JAG2: variants seen among roughly 807,000 people sequenced by gnomAD.
The protein encoded by JAG2 is protein jagged-2.
Under a neutral mutation model 141.7 loss-of-function variants are expected in JAG2, and 46 were observed. The observed-to-expected ratio is 0.32, with a 90% CI of 0.26 to 0.42. The LOEUF (loss-of-function observed/expected upper bound fraction) is 0.42. Among genes scored for constraint, JAG2 ranks in the 10% least tolerant of loss-of-function variants. JAG2 has a pLI of 1.00. For synonymous variants in JAG2, 862 were observed against 763.5 expected (o/e 1.13, Z -2.13); for missense variants, 1,500 against 1,817.5 (o/e 0.83, Z 3.18).
chr14:105,150,240 C>T (rs1888381529), intron 12 of JAG2, among the ~76,000 whole-genome samples: 1 of 151,932 alleles, frequency 6.6e-6, no homozygotes, highest in Non-Finnish European at 1.5e-5. Context: ...CAGGTGTATA[C>T]CTCTCCACCA....
At chr14:105,147,630 G>A in intron 18 of JAG2, 103 bp from the exon 19 acceptor site, 1 of 1,287,284 alleles carries the variant, frequency 7.8e-7, no homozygotes, top group Admixed American at 1.8e-5. Flanking sequence ...GGCTGGGGAG[G>A]GTCATCAAGG....
intron 2 of JAG2, among the ~76,000 whole-genome samples, chr14:105,161,087 G>C (rs1471540073): frequency 6.6e-6 from 1 of 151,916 alleles, no homozygotes; most frequent in Non-Finnish European, 1.5e-5. Context: ...GCGGGTCTGA[G>C]TGAGGTCTGT....
intron 2 of JAG2, among the ~76,000 whole-genome samples, chr14:105,162,650 C>G (rs1435315422): frequency 6.8e-6 from 1 of 146,032 alleles, no homozygotes. Flanking sequence ...CCCCAAGGTC[C>G]AGGGCACCTT....
At chr14:105,147,745 C>A (rs1229189861) in intron 18 of JAG2, 27 bp downstream of exon 18, 2 of 1,475,380 alleles carry the variant, frequency 1.4e-6, no homozygotes, top group Admixed American at 2.0e-5. Context: ...GGAAAGCGGC[C>A]CCCGCCCACA....
chr14:105,158,466 TCTGCCCCCGGGCCAC>T (rs1332029952), intron 2 of JAG2, among the ~76,000 whole-genome samples: 1 of 152,060 alleles, frequency 6.6e-6, no homozygotes, highest in Non-Finnish European at 1.5e-5. Flanking sequence ...CTATGCCCCC[TCTGCCCCCGGGCCAC>T]CTGGCCCTTG....
chr14:105,158,154 G>A (rs1027653323), intron 2 of JAG2, among the ~76,000 whole-genome samples: 12 of 152,160 alleles, frequency 7.9e-5, no homozygotes, highest in African/African-American at 2.7e-4. Flanking sequence ...GCCGGGACCC[G>A]AGCGTTTCCT....
intron 23 of JAG2, among the ~76,000 whole-genome samples, chr14:105,145,323 G>A (rs1042136537): frequency 9.8e-5 from 15 of 152,318 alleles, no homozygotes; most frequent in African/African-American, 2.9e-4. Flanking sequence ...GAGGCAGGGC[G>A]GGGTACAGTG....
intron 2 of JAG2, among the ~76,000 whole-genome samples, chr14:105,159,432 G>A (rs1057429403): frequency 7.3e-5 from 11 of 151,642 alleles, no homozygotes; most frequent in African/African-American, 1.9e-4. Flanking sequence ...CCATGGCCCC[G>A]CCAGGCCACG....
At position 105,168,069 on chromosome 14, in the gene JAG2, G is replaced by T; in HGVS notation, c.105C>A (p.Ser35Arg). 1 of 1,588,752 alleles carries T rather than the reference G, an allele frequency of 6.3e-7. No homozygotes were observed. The highest frequency in any genetic ancestry group is 8.5e-7 in the Non-Finnish European group (1 of 1,175,124). Residue 35 changes from serine to arginine, a missense_variant, in exon 2 of 26, where the codon AGC becomes AGA. Around this residue, in one of 3 missense-constraint regions of JAG2, gnomAD observed 200 missense variants for 174.3 expected, o/e 1.15. Transcript: ENST00000331782. Reference protein sequence around the residue: ...RPMGYFELQLSALRNVNGELL... With the variant: ...RPMGYFELQLRALRNVNGELL... ...GCTCCCCGTTCACGTTCCGCAGCGC[G>T]CTCAGCTGCAGCTCGAAATAGCCCA...
rs138503062 is a variant in JAG2 at position 105,149,065 on chromosome 14, G to A, written c.1778C>T (p.Ala593Val). The change falls in exon 14 of 26, where the codon GCG (alanine) becomes GTG (valine). Residue 593 changes from alanine (A) to valine (V), a missense_variant. Ala to Val is a moderately conservative substitution (Grantham distance 64). Around this residue, in one of 3 missense-constraint regions of JAG2, gnomAD observed 875 missense variants for 1,202.2 expected, o/e 0.73. Transcript: ENST00000331782. ...TGCTGTGCCAGGCATCCCAGGCCCC[G>A]CGTCTGACCCGCAGCCATCGATCAC... The part of the protein sequence containing the change: ...CRVIDGCGSD[A>V]GPGMPGTAAS... The A allele has an allele frequency of 3.1e-5, 50 of 1,609,644 alleles. No individual in the cohort carries two copies. Among genetic ancestry groups the A allele is most frequent in the Admixed American group, 2.2e-4 (13 of 59,802 alleles).
rs765995003 is a variant in JAG2 at position 105,155,871 on chromosome 14, G to A, written c.594C>T (p.Cys198=). The change falls in exon 4 of 26, where the codon TGC becomes TGT. Residue 198 remains cysteine, a synonymous_variant. Coordinates refer to ENST00000331782, the MANE Select transcript of JAG2 (RefSeq NM_002226.5). ...AHLELQIRVR[C]DENYYSATCN... The stretch of plus-strand genomic sequence containing the variant: ...AAGTGGCGCTGTAGTAGTTCTCGTC[G>A]CAGCGCACGCGGATCTGCAGCTCCA... The A allele has an allele frequency of 6.2e-6, 10 of 1,612,040 alleles. No individual in the cohort carries two copies. Among genetic ancestry groups the A allele is most frequent in the East Asian group, 4.5e-5 (2 of 44,864 alleles).
Position 105,155,498 on chromosome 14 carries a change from G to A in JAG2, c.788+64C>T. The A allele has an allele frequency of 2.6e-6, 4 of 1,568,356 alleles. No individual in the cohort carries two copies. In the Middle Eastern group the frequency reaches 5.0e-4, roughly 197 times the overall value. ...GGGCGACTCCTGACAGCAAGGCTGTGTGTGCCAGTGAGGACGTGAGGGCAA... is the reference window on the plus strand; with the variant it reads ...GGGCGACTCCTGACAGCAAGGCTGTATGTGCCAGTGAGGACGTGAGGGCAA... On this transcript the variant is annotated intron_variant, in intron 5 of 25. Coordinates refer to ENST00000331782, the MANE Select transcript of JAG2 (RefSeq NM_002226.5).
At chr14:105,155,668 C>A (rs765318553) in intron 4 of JAG2, 46 bp from the exon 5 acceptor site, 19 of 1,612,162 alleles carry the variant, frequency 1.2e-5, no homozygotes, top group Non-Finnish European at 1.6e-5. Context: ...CCAGCCTGGC[C>A]GCAAGGCCTG....
chr14:105,147,031 C>T (rs1241735245), intron 20 of JAG2: 1 of 603,626 alleles, frequency 1.7e-6, no homozygotes, highest in South Asian at 1.9e-5. Flanking sequence ...CACCCAGGGA[C>T]AACAGCCCTG....
At chr14:105,147,666 G>A in intron 18 of JAG2, 106 bp downstream of exon 18, 3 of 1,069,842 alleles carry the variant, frequency 2.8e-6, no homozygotes, top group East Asian at 2.6e-5. Flanking sequence ...GGGGGCAGGG[G>A]CAGCAGGGGG....
At chr14:105,162,408 G>A (rs1029684913) in intron 2 of JAG2, among the ~76,000 whole-genome samples, 1 of 89,434 alleles carries the variant, frequency 1.1e-5, no homozygotes, top group Non-Finnish European at 2.5e-5. Context: ...AGGGGCAACA[G>A]CAGTGGCACA....
rs1406648819 is a variant in JAG2 at position 105,152,309 on chromosome 14, G to A, written c.789-18C>T. ...AGCTGCACCTGGGGGAAGGAGGAGG[G>A]GCGCAAGACCCAGTGAGCTGTGGTG... On this transcript the variant is annotated intron_variant, in intron 5 of 25. Transcript: ENST00000331782. 1 of 1,611,568 alleles carries A rather than the reference G, an allele frequency of 6.2e-7. No individual in the cohort carries two copies. The highest frequency in any genetic ancestry group is 8.5e-7 in the Non-Finnish European group (1 of 1,179,300).
At position 105,143,319 on chromosome 14, in the gene JAG2, G is replaced by A. The variant is rs1236015684; in HGVS notation, c.3242-149C>T. 3 of 1,299,888 alleles carry A rather than the reference G, an allele frequency of 2.3e-6. No individual in the cohort carries two copies. In the East Asian group the frequency reaches 7.5e-5, roughly 33 times the overall value. The allele number at this position is 1,299,888 out of a possible 1,614,324, so 80.5% of individuals were successfully genotyped here. On this transcript the variant is annotated intron_variant, in intron 25 of 25. Coordinates refer to ENST00000331782, the MANE Select transcript of JAG2 (RefSeq NM_002226.5). Reference sequence around the variant, plus strand: ...GCTCGTGGGGAGGGTCCCAGGACGGGGGCTGGGAAGGTCAGGTTGTGGGGC... The same window carrying A: ...GCTCGTGGGGAGGGTCCCAGGACGGAGGCTGGGAAGGTCAGGTTGTGGGGC...
chr14:105,145,077 C>T lies in JAG2; in HGVS notation c.2953-16G>A. 2 of 1,609,204 alleles carry T rather than the reference C, an allele frequency of 1.2e-6. No individual in the cohort carries two copies. Among genetic ancestry groups the T allele is most frequent in the Non-Finnish European group, 1.7e-6 (2 of 1,179,716 alleles). On this transcript the variant is annotated splice_polypyrimidine_tract_variant and intron_variant, in intron 23 of 25. Coordinates refer to ENST00000331782, the MANE Select transcript of JAG2 (RefSeq NM_002226.5). The stretch of plus-strand genomic sequence containing the variant: ...CCGTGGTGCCCTGGGCAGAGACAGG[C>T]AGTGCGTGGGCAGGGCAGGGCCGTG...
Sources: gnomAD v4.1 joint callset for allele counts (sites outside exome capture counted in the v4.1 genomes callset) on GRCh38, gnomAD v4.1.1 for gene constraint, gnomAD v4.1.1 regional missense constraint, MANE v1.5 for transcripts, NCBI Gene and HGNC (gene_info 2026-07-23, HGNC 2026-07-21) for gene names.